Variants in ZFHX3 observed in about 807,000 individuals in gnomAD.
ZFHX3 encodes the protein zinc finger homeobox 3, also known as zinc finger homeobox protein 3.
A neutral mutation model predicts 279.1 loss-of-function variants in ZFHX3; 42 were observed. The observed-to-expected ratio is 0.15, with a 90% CI of 0.12 to 0.19. The LOEUF is 0.19. Ranked by LOEUF, ZFHX3 falls within the 10% of genes least tolerant of loss-of-function variation. The pLI, the probability that ZFHX3 is intolerant of heterozygous loss-of-function variation, is 1.00. For missense variants in ZFHX3, 4,981 were observed against 4,754.0 expected (o/e 1.05, Z -1.40); for synonymous variants, 2,293 against 1,957.8 (o/e 1.17, Z -4.52).
chr16:72,787,648 G>C lies in ZFHX3; in HGVS notation c.10628C>G (p.Ala3543Gly), dbSNP rs780044793. ...GGCCGACTCGAGATGTTGACTCAGA[G>C]CTTCCTCCCCACAGAGCGCGCTCTC... Reference protein sequence around the residue: ...ACESALCGEEALSQHLESALH... With the variant: ...ACESALCGEEGLSQHLESALH... Residue 3543 changes from alanine (A) to glycine (G), a missense_variant, in exon 10 of 10, where the codon GCT becomes GGT. Coordinates refer to ENST00000268489, the MANE Select transcript of ZFHX3 (RefSeq NM_006885.4). 23 of 1,609,460 alleles carry C rather than the reference G, an allele frequency of 1.4e-5. No homozygotes were observed. Among genetic ancestry groups the C allele is most frequent in the Admixed American group, 3.4e-5 (2 of 59,602 alleles).
chr16:73,387,470 T>G (rs946547841), intron 3 of ZFHX3, among the ~76,000 whole-genome samples: 2 of 152,176 alleles, frequency 1.3e-5, no homozygotes, highest in African/African-American at 4.8e-5. Flanking sequence ...AAAAAGCCAT[T>G]CAGTGGTTCA....
At chr16:73,147,713 A>AG (rs1567402461) in intron 5 of ZFHX3, among the ~76,000 whole-genome samples, 1 of 149,288 alleles carries the variant, frequency 6.7e-6, no homozygotes, top group Non-Finnish European at 1.5e-5. Context: ...AAAAAAAAAA[A>AG]AAAAAAATTA....
chr16:73,765,162 A>G (rs770406517), intron 1 of ZFHX3, among the ~76,000 whole-genome samples: 7 of 152,232 alleles, frequency 4.6e-5, no homozygotes, highest in Non-Finnish European at 1.0e-4. Context: ...GATGCTTTAA[A>G]AAACAAAACT....
intron 1 of ZFHX3, among the ~76,000 whole-genome samples, chr16:73,031,922 T>C (rs1964717244): frequency 6.6e-6 from 1 of 152,048 alleles, no homozygotes; most frequent in South Asian, 2.1e-4. Flanking sequence ...AGAATGCACA[T>C]TCTAGAACCT....
At chr16:73,370,564 G>T (rs1228509863) in intron 3 of ZFHX3, among the ~76,000 whole-genome samples, 1 of 152,156 alleles carries the variant, frequency 6.6e-6, no homozygotes, top group Non-Finnish European at 1.5e-5. Context: ...AAGCCCGTGT[G>T]CTAACCCCAT....
intron 1 of ZFHX3, among the ~76,000 whole-genome samples, chr16:73,777,272 G>A (rs1032233211): frequency 6.6e-6 from 1 of 152,072 alleles, no homozygotes; most frequent in African/African-American, 2.4e-5. Flanking sequence ...AGGAGGCCAA[G>A]GCAGGAGGAT....
At chr16:73,139,519 A>G (rs1407909677) in intron 6 of ZFHX3, among the ~76,000 whole-genome samples, 1 of 152,220 alleles carries the variant, frequency 6.6e-6, no homozygotes, top group East Asian at 1.9e-4. Context: ...AGCTAGGTCT[A>G]TATTTGAGAG....
chr16:73,464,028 T>G (rs2018517951), intron 2 of ZFHX3, among the ~76,000 whole-genome samples: 1 of 152,226 alleles, frequency 6.6e-6, no homozygotes. Flanking sequence ...AACATTTAAG[T>G]GGATGCAAAC....
At chr16:73,583,470 G>C (rs1195627709) in intron 2 of ZFHX3, among the ~76,000 whole-genome samples, 1 of 152,204 alleles carries the variant, frequency 6.6e-6, no homozygotes, top group Non-Finnish European at 1.5e-5. Flanking sequence ...ACTAGGTAGA[G>C]ATAGAAAATA....
At position 73,646,845 on chromosome 16, in the gene ZFHX3, C is replaced by G. The variant is rs183820172; in HGVS notation, c.-1547+33335G>C. Reference sequence around the variant, plus strand: ...AAAAGATCTAGACTGCCAAATGCCTCAAACTCAGCCAGTTTTATAAGTGAG... The same window carrying G: ...AAAAGATCTAGACTGCCAAATGCCTGAAACTCAGCCAGTTTTATAAGTGAG... On this transcript the variant is annotated intron_variant, in intron 2 of 17. Coordinates refer to the ZFHX3 transcript ENST00000641206. Among the ~76,000 whole-genome samples, 6 of 152,236 alleles carry G rather than the reference C, an allele frequency of 3.9e-5. No homozygotes were observed. In the East Asian group the frequency reaches 9.6e-4, roughly 24 times the overall value.
In ZFHX3 at chr16:73,870,617, A is replaced by T. The variant is rs1962136908; in HGVS notation, c.-1608+21034T>A. ...GCATTTGCAAAGCGTCTGAGAGCAC[A>T]CTCCTCTTCCTTCTCTGTGCTCAAA... On this transcript the variant is annotated intron_variant, in intron 1 of 17. Coordinates refer to the ZFHX3 transcript ENST00000641206. Among the ~76,000 whole-genome samples, 3 of 152,056 alleles carry T rather than the reference A, an allele frequency of 2.0e-5. No individual in the cohort carries two copies. The South Asian group carries it at 6.2e-4, about 32-fold the overall frequency.
At chr16:73,832,075 GTT>G (rs1280600672) in intron 1 of ZFHX3, among the ~76,000 whole-genome samples, 3 of 151,868 alleles carry the variant, frequency 2.0e-5, no homozygotes, top group Admixed American at 2.0e-4. Flanking sequence ...TAATTTTTGT[GTT>G]TTTAGTAGAG....
intron 5 of ZFHX3, among the ~76,000 whole-genome samples, chr16:73,214,702 C>T (rs2012139012): frequency 6.6e-6 from 1 of 152,140 alleles, no homozygotes; most frequent in African/African-American, 2.4e-5. Context: ...TGGGGGGAAG[C>T]TCAAGACAGA....
chr16:73,096,800 G>A (rs1966169890), intron 7 of ZFHX3, among the ~76,000 whole-genome samples: 2 of 152,022 alleles, frequency 1.3e-5, no homozygotes, highest in African/African-American at 2.4e-5. Flanking sequence ...CTTCTTCAAG[G>A]CAGAAGTATG....
At chr16:73,861,931 G>C (rs1216840842) in intron 1 of ZFHX3, among the ~76,000 whole-genome samples, 1 of 152,116 alleles carries the variant, frequency 6.6e-6, no homozygotes, top group Non-Finnish European at 1.5e-5. Flanking sequence ...TTTGTCGAGA[G>C]GACTTCTGCA....
chr16:73,719,633 A>ATTTATTTT (rs891571506), intron 1 of ZFHX3, among the ~76,000 whole-genome samples: 1 of 152,000 alleles, frequency 6.6e-6, no homozygotes, highest in Non-Finnish European at 1.5e-5. Context: ...TATTTCATTT[A>ATTTATTTT]TTTATTTTTT....
chr16:73,500,691 C>CA (rs35032435), intron 2 of ZFHX3, among the ~76,000 whole-genome samples: 2,812 of 96,876 alleles, frequency 0.029, 41 homozygotes, highest in Non-Finnish European at 0.044. Context: ...TTTTAAAATA[C>CA]AAAAAAAAAA....
At chr16:73,098,564 G>T (rs933948363) in intron 7 of ZFHX3, among the ~76,000 whole-genome samples, 3 of 152,086 alleles carry the variant, frequency 2.0e-5, no homozygotes, top group Non-Finnish European at 4.4e-5. Flanking sequence ...GTTTTGCCAT[G>T]TTGGCCAGGT....
chr16:73,348,851 G>A (rs1397286486), intron 3 of ZFHX3, among the ~76,000 whole-genome samples: 1 of 152,238 alleles, frequency 6.6e-6, no homozygotes, highest in Non-Finnish European at 1.5e-5. Flanking sequence ...TCATTCATTG[G>A]AGGCAAGTCT....
Sources: gnomAD v4.1 joint callset for allele counts (sites outside exome capture counted in the v4.1 genomes callset) on GRCh38, gnomAD v4.1.1 for gene constraint, MANE v1.5 for transcripts, NCBI Gene and HGNC (gene_info 2026-07-23, HGNC 2026-07-21) for gene names.